The following MSANTD2 variants were observed in gnomAD, a reference collection of about 807,000 sequenced individuals.
MSANTD2 encodes Myb/SANT DNA binding domain containing 2, also known as myb/SANT-like DNA-binding domain-containing protein 2.
In MSANTD2, 19 loss-of-function variants were observed where a neutral mutation model predicts 52.6. The observed-to-expected ratio is 0.36, with a 90% CI of 0.25 to 0.53. The LOEUF is 0.53. Among genes scored for constraint, MSANTD2 ranks in the 20% least tolerant of loss-of-function variants. The probability of loss-of-function intolerance (pLI) is 0.91; values close to 1 mark genes in which losing one functional copy is unlikely to be tolerated. For missense variants in MSANTD2, 558 were observed against 716.3 expected, an observed-to-expected ratio of 0.78 and a Z score of 2.52; for synonymous variants, 291 against 289.7, an observed-to-expected ratio of 1.00 and a Z score of -0.04.
chr11:124,773,985 T>C lies in MSANTD2; in HGVS notation c.766+734A>G, dbSNP rs533182895. ...TTATGAAAATAAAAATTGGAGCATGTAATGCGCAAAGAAACAGAACAATCC... is the reference window on the plus strand; with the variant it reads ...TTATGAAAATAAAAATTGGAGCATGCAATGCGCAAAGAAACAGAACAATCC... On this transcript the variant is annotated intron_variant, in intron 2 of 3. Coordinates refer to ENST00000374979, the MANE Select transcript of MSANTD2 (RefSeq NM_001308027.2). Among the ~76,000 whole-genome samples the C allele has an allele frequency of 4.3e-4, 66 of 152,338 alleles. 1 individual carries two copies. The South Asian group carries it at 0.011, about 26-fold the overall frequency.
Position 124,770,780 on chromosome 11 carries a change from G to T in MSANTD2, c.827+2214C>A, listed in dbSNP as rs966123653. Among the ~76,000 whole-genome samples, 53 of 132,176 alleles carry T rather than the reference G, an allele frequency of 4.0e-4. No individual in the cohort carries two copies. The East Asian group carries it at 4.5e-3, about 11-fold the overall frequency. 86.7% of individuals were successfully genotyped at this position (132,176 alleles called of 152,430 possible). On this transcript the variant is annotated intron_variant, in intron 3 of 3. Transcript: ENST00000374979. ...GCCACCACGCCCAGCTAATTTTTTG[G>T]TTTTTTTTTTTTTTTTTGAGACAGA... is the stretch of plus-strand genomic sequence containing the variant.
intron 3 of MSANTD2, among the ~76,000 whole-genome samples, chr11:124,772,331 C>G (rs541998194): frequency 6.6e-6 from 1 of 152,218 alleles, no homozygotes; most frequent in East Asian, 1.9e-4. Flanking sequence ...CATCCACACA[C>G]AGGCAAATAC....
Position 124,767,960 on chromosome 11 carries a change from T to C in MSANTD2, c.896A>G (p.Gln299Arg), listed in dbSNP as rs1364413827. The change falls in exon 4 of 4, where the codon CAG becomes CGG. Residue 299 changes from glutamine to arginine, a missense_variant. Gln to Arg is a conservative substitution (Grantham distance 43). This residue lies in a region of MSANTD2 where 408 missense variants were observed against 573.6 expected (regional missense o/e 0.71). Transcript: ENST00000374979. The surrounding 1 kb of genome is among the most constrained non-coding windows in gnomAD (Gnocchi z 6.5). The stretch of plus-strand genomic sequence containing the variant: ...GAGCCTTGAAAAGTCTGTCCAGCTC[T>C]GAAAAAGTTCCCATTTCAACTGTAC... ...ESVQLKWELF[Q>R]SWTDFSRLHL... 5.6e-6 allele frequency: 9 copies of C among 1,613,914 alleles called. No homozygotes were observed. The highest frequency in any genetic ancestry group is 2.2e-5 in the East Asian group (1 of 44,894).
rs1023785779 is a variant in MSANTD2, at chr11:124,797,179, T to G, written c.510+2692A>C. 2.0e-5 allele frequency among the ~76,000 whole-genome samples: 3 copies of G among 152,314 alleles called. No individual in the cohort carries two copies. In the East Asian group the frequency reaches 5.8e-4, roughly 29 times the overall value. On this transcript the variant is annotated intron_variant, in intron 1 of 3. Transcript: ENST00000374979. Reference sequence around the variant, plus strand: ...TTTTCCAATATTCTCTTTCTAGACTTTATTTGGTGAATTAATTAAATAAGG... The same window carrying G: ...TTTTCCAATATTCTCTTTCTAGACTGTATTTGGTGAATTAATTAAATAAGG...
At position 124,768,017 on chromosome 11, in the gene MSANTD2, A is replaced by C. The variant is rs373982320; in HGVS notation, c.839T>G (p.Ile280Ser). The C allele has an allele frequency of 1.9e-6, 3 of 1,600,764 alleles. No individual in the cohort carries two copies. In the African/African-American group the frequency reaches 4.0e-5, roughly 22 times the overall value. Reference protein sequence around the residue: ...ESSEEAQKRDIMQNIVQILES... With the variant: ...ESSEEAQKRDSMQNIVQILES... The stretch of plus-strand genomic sequence containing the variant: ...CAAAATCTGTACAATATTCTGCATG[A>C]TGTCTCTCTTCCTGGAAAGACAAAT... The change falls in exon 4 of 4, where the codon ATC becomes AGC. Residue 280 changes from isoleucine (I) to serine (S), a missense_variant. This residue lies in a region of MSANTD2 where 408 missense variants were observed against 573.6 expected (regional missense o/e 0.71). Coordinates refer to ENST00000374979, the MANE Select transcript of MSANTD2 (RefSeq NM_001308027.2).
intron 1 of MSANTD2, among the ~76,000 whole-genome samples, chr11:124,798,718 G>A (rs960696434): frequency 4.0e-5 from 6 of 151,888 alleles, no homozygotes; most frequent in African/African-American, 9.7e-5. Context: ...TCATGATTGC[G>A]CCTATTAGAC....
intron 1 of MSANTD2, chr11:124,790,436 T>A (rs757604122): frequency 5.9e-5 from 9 of 152,244 alleles, no homozygotes; most frequent in Admixed American, 6.5e-5. Context: ...GAGAAGTAGA[T>A]AGTGAGTTGT....
At chr11:124,791,140 G>A in intron 1 of MSANTD2, 1 of 758,928 alleles carries the variant, frequency 1.3e-6, no homozygotes. Context: ...ACAGTGAAAG[G>A]GGGCTAGGGA....
At chr11:124,775,199 T>A in intron 1 of MSANTD2, 1 of 476,386 alleles carries the variant, frequency 2.1e-6, no homozygotes, top group South Asian at 2.9e-5. Flanking sequence ...TAATTATCCA[T>A]TAAACAACAA....
chr11:124,791,568 T>C, intron 1 of MSANTD2: 1 of 1,302,420 alleles, frequency 7.7e-7, no homozygotes, highest in Non-Finnish European at 1.1e-6. Flanking sequence ...AATGTGACCC[T>C]GAGCTGCCAG....
Position 124,768,008 on chromosome 11 carries a change from T to C in MSANTD2, c.848A>G (p.Asn283Ser). The C allele has an allele frequency of 3.1e-6, 5 of 1,604,904 alleles. No homozygotes were observed. The highest frequency in any genetic ancestry group is 4.3e-6 in the Non-Finnish European group (5 of 1,173,122). Residue 283 changes from asparagine to serine, a missense_variant, in exon 4 of 4, where the codon AAT (asparagine) becomes AGT (serine). This residue lies in a region of MSANTD2 where 408 missense variants were observed against 573.6 expected (regional missense o/e 0.71). Coordinates refer to ENST00000374979, the MANE Select transcript of MSANTD2 (RefSeq NM_001308027.2). The stretch of plus-strand genomic sequence containing the variant: ...TACCGATTCCAAAATCTGTACAATA[T>C]TCTGCATGATGTCTCTCTTCCTGGA... ...EEAQKRDIMQ[N>S]IVQILESVQL...
At chr11:124,770,268 G>A (rs1216136589) in intron 3 of MSANTD2, among the ~76,000 whole-genome samples, 1 of 151,936 alleles carries the variant, frequency 6.6e-6, no homozygotes, top group Non-Finnish European at 1.5e-5. Flanking sequence ...GGAGAATAAA[G>A]GTTTGAAGGT....
rs1200241203 is a variant in MSANTD2 at position 124,774,472 on chromosome 11, C to A, written c.766+247G>T. Among the ~76,000 whole-genome samples, 2 of 152,152 alleles carry A rather than the reference C, an allele frequency of 1.3e-5. No individual in the cohort carries two copies. The highest frequency in any genetic ancestry group is 4.8e-5 in the African/African-American group (2 of 41,438). Reference sequence around the variant, plus strand: ...GGGAATCCTGCTGGTAAACAACTTGCCAAATGAACAACACCAAGCACCAGT... The same window carrying A: ...GGGAATCCTGCTGGTAAACAACTTGACAAATGAACAACACCAAGCACCAGT... On this transcript the variant is annotated intron_variant, in intron 2 of 3. Transcript: ENST00000374979. The surrounding 1 kb of genome is among the most constrained non-coding windows in gnomAD (Gnocchi z 5.1).
At chr11:124,776,485 C>T (rs567807952) in intron 1 of MSANTD2, among the ~76,000 whole-genome samples, 3 of 152,258 alleles carry the variant, frequency 2.0e-5, no homozygotes, top group Admixed American at 6.5e-5. Context: ...TTAGTAGAGA[C>T]GGGGTTTCTC....
intron 1 of MSANTD2, among the ~76,000 whole-genome samples, chr11:124,788,099 C>G (rs142921823): frequency 7.2e-6 from 1 of 137,960 alleles, no homozygotes; most frequent in Non-Finnish European, 1.6e-5. Flanking sequence ...AAAAAAAAAG[C>G]CAATTAATTA....
chr11:124,770,613 AT>A (rs971609987), intron 3 of MSANTD2, among the ~76,000 whole-genome samples: 4 of 148,628 alleles, frequency 2.7e-5, no homozygotes, highest in South Asian at 2.1e-4. Context: ...AATAACTCAC[AT>A]TTTTTTTTCG....
Position 124,767,398 on chromosome 11 carries a change from C to G in MSANTD2, c.1458G>C (p.Gln486His). 6.2e-7 allele frequency: 1 copy of G among 1,614,182 alleles called. No individual in the cohort carries two copies. The highest frequency in any genetic ancestry group is 8.5e-7 in the Non-Finnish European group (1 of 1,180,028). ...CTTGGAAATGTAAAAATAAGCACTG[C>G]TGTAGAGTCCTGACCTCAGCAATCC... is the stretch of plus-strand genomic sequence containing the variant. ...YLGIAEVRTL[Q>H]QCLFLHFQAN... is the part of the protein sequence containing the mutation. The change falls in exon 4 of 4, where the codon CAG becomes CAC. Residue 486 changes from glutamine (Q) to histidine (H), a missense_variant. Gln to His is a conservative substitution (Grantham distance 24, BLOSUM62 0). Around this residue, in one of 2 missense-constraint regions of MSANTD2, gnomAD observed 408 missense variants for 573.6 expected, o/e 0.71. Transcript: ENST00000374979. This position sits in a 1 kb window ranked among gnomAD's most constrained non-coding sequence, Gnocchi z 6.5.
chr11:124,795,109 G>A (rs1945453756), intron 1 of MSANTD2, among the ~76,000 whole-genome samples: 1 of 152,198 alleles, frequency 6.6e-6, no homozygotes, highest in Middle Eastern at 3.4e-3. Context: ...CAACTCCTGA[G>A]CTCACGTGAT....
chr11:124,791,481 C>T, intron 1 of MSANTD2: 1 of 1,128,684 alleles, frequency 8.9e-7, no homozygotes, highest in Non-Finnish European at 1.3e-6. Flanking sequence ...AGGCGAGTCA[C>T]TCTCCTAAAT....
Sources: gnomAD v4.1 joint callset for allele counts (sites outside exome capture counted in the v4.1 genomes callset) on GRCh38, gnomAD v4.1.1 for gene constraint, gnomAD v4.1.1 regional missense constraint, Gnocchi (gnomAD v3.1) non-coding constraint, MANE v1.5 for transcripts, NCBI Gene and HGNC (gene_info 2026-07-23, HGNC 2026-07-21) for gene names.